PEX13: variants seen among roughly 807,000 people sequenced by gnomAD.
The protein encoded by PEX13 is peroxisomal biogenesis factor 13.
PEX13 carries 28 observed loss-of-function variants against 34.5 expected under a neutral mutation model. That is an observed-to-expected ratio of 0.81 (90% confidence interval 0.60 to 1.11). PEX13 has a LOEUF of 1.11. PEX13 is among the 50% of genes most tolerant of loss of function. The pLI, the probability that PEX13 is intolerant of heterozygous loss-of-function variation, is 0.00. For missense variants in PEX13, 550 were observed against 491.0 expected, an observed-to-expected ratio of 1.12 and a Z score of -1.13; for synonymous variants, 177 against 175.1, an observed-to-expected ratio of 1.01 and a Z score of -0.09.
intron 1 of PEX13, among the ~76,000 whole-genome samples, chr2:61,021,084 G>T (rs1680251421): frequency 1.3e-5 from 2 of 152,212 alleles, no homozygotes; most frequent in African/African-American, 2.4e-5. Context: ...GCTCTGGTCT[G>T]CAGCTCCCAG....
rs1369623777 is a variant in PEX13, at chr2:61,031,516, G to A, written c.190G>A (p.Gly64Arg). The A allele has an allele frequency of 6.2e-7, 1 of 1,614,138 alleles. No homozygotes were observed. The change falls in exon 2 of 4, where the codon GGA becomes AGA. Residue 64 changes from glycine (G) to arginine (R), a missense_variant. Physicochemically the swap from Gly to Arg is moderately radical, Grantham distance 125 (BLOSUM62 -2). Transcript: ENST00000295030. ...PILPRPSQQT[G>R]SSSVNTFRPA... ...TCTTCCAAGGCCATCACAGCAGACAGGAAGTAGCAGTGTGAACACTTTTAG... is the reference window on the plus strand; with the variant it reads ...TCTTCCAAGGCCATCACAGCAGACAAGAAGTAGCAGTGTGAACACTTTTAG...
intron 2 of PEX13, among the ~76,000 whole-genome samples, chr2:61,036,204 C>T (rs772835799): frequency 6.6e-6 from 1 of 152,154 alleles, no homozygotes; most frequent in Non-Finnish European, 1.5e-5. Context: ...TTAGAAAACA[C>T]TCCTCAGGAT....
At chr2:61,043,556 G>A (rs890072354) in intron 2 of PEX13, among the ~76,000 whole-genome samples, 9 of 152,178 alleles carry the variant, frequency 5.9e-5, no homozygotes, top group African/African-American at 2.2e-4. Flanking sequence ...AAAATTCTAG[G>A]TGGAGCAGGA....
chr2:61,029,481 C>T (rs866742203), intron 1 of PEX13, among the ~76,000 whole-genome samples: 6 of 152,042 alleles, frequency 3.9e-5, no homozygotes, highest in Non-Finnish European at 5.9e-5. Context: ...CAAACATGTC[C>T]GTACAAAAAC....
At chr2:61,032,314 T>C (rs999501769) in intron 2 of PEX13, among the ~76,000 whole-genome samples, 3 of 152,214 alleles carry the variant, frequency 2.0e-5, no homozygotes, top group Non-Finnish European at 4.4e-5. Context: ...ATAGTGCACA[T>C]TACCTGTTTA....
chr2:61,035,584 A>G (rs1319426510), intron 2 of PEX13, among the ~76,000 whole-genome samples: 2 of 152,242 alleles, frequency 1.3e-5, no homozygotes, highest in Non-Finnish European at 2.9e-5. Context: ...AAAAAAGGTT[A>G]GATGAATGGC....
chr2:61,037,897 A>G (rs1284159060), intron 2 of PEX13, among the ~76,000 whole-genome samples: 1 of 152,170 alleles, frequency 6.6e-6, no homozygotes, highest in African/African-American at 2.4e-5. Flanking sequence ...AATCAAATAG[A>G]TGTAATAAAA....
chr2:61,021,899 C>T (rs1680270958), intron 1 of PEX13, among the ~76,000 whole-genome samples: 1 of 152,182 alleles, frequency 6.6e-6, no homozygotes, highest in Non-Finnish European at 1.5e-5. Flanking sequence ...CTGCAGTGGA[C>T]CTCCAGCAAA....
intron 3 of PEX13, among the ~76,000 whole-genome samples, chr2:61,046,563 G>A (rs1450461697): frequency 6.6e-6 from 1 of 152,106 alleles, no homozygotes; most frequent in African/African-American, 2.4e-5. Flanking sequence ...CTATGTACAA[G>A]GTACTGTATT....
chr2:61,047,260 A>G (rs1270052788), intron 3 of PEX13, among the ~76,000 whole-genome samples: 1 of 151,796 alleles, frequency 6.6e-6, no homozygotes, highest in East Asian at 1.9e-4. Context: ...GGTTCAAGTG[A>G]TTCTCCTGCC....
chr2:61,031,029 C>G (rs780959760), intron 1 of PEX13, among the ~76,000 whole-genome samples: 1 of 152,168 alleles, frequency 6.6e-6, no homozygotes, highest in Non-Finnish European at 1.5e-5. Flanking sequence ...GTGGCTCACA[C>G]CTGTAATCCC....
intron 2 of PEX13, among the ~76,000 whole-genome samples, chr2:61,037,430 A>G (rs988346571): frequency 3.3e-5 from 5 of 152,360 alleles, no homozygotes; most frequent in South Asian, 2.1e-4. Context: ...CTCTCAGACC[A>G]CAGTGCAATC....
In PEX13 at chr2:61,050,886, G is replaced by A. The variant is rs978885205; in HGVS notation, c.*2116G>A. On this transcript the variant is annotated 3_prime_UTR_variant, in exon 4 of 4. Coordinates refer to ENST00000295030, the MANE Select transcript of PEX13 (RefSeq NM_002618.4). ...TGAGCCCGCTTCGGTCTCCCAAAGT[G>A]TTGGGATTACAGGCGTGAGCCACCG... 6 of 152,342 alleles carry A rather than the reference G, an allele frequency of 3.9e-5. No homozygotes were observed. The highest frequency in any genetic ancestry group is 7.3e-5 in the Non-Finnish European group (5 of 68,092). 9.4% of individuals were successfully genotyped at this position (152,342 alleles called of 1,614,324 possible). A position where few individuals can be genotyped will look rare whatever the true frequency, so the allele number is the denominator to read the frequency against.
intron 2 of PEX13, among the ~76,000 whole-genome samples, chr2:61,043,653 T>C (rs919767796): frequency 1.3e-5 from 2 of 152,252 alleles, no homozygotes; most frequent in African/African-American, 2.4e-5. Flanking sequence ...AGCAGCCACA[T>C]TGCAGAAAAT....
chr2:61,047,511 T>C (rs1680723150), intron 3 of PEX13, among the ~76,000 whole-genome samples: 1 of 152,238 alleles, frequency 6.6e-6, no homozygotes, highest in South Asian at 2.1e-4. Context: ...TTCAAACGAA[T>C]GATTTTTTAA....
chr2:61,023,748 T>G (rs1409381322), intron 1 of PEX13, among the ~76,000 whole-genome samples: 22 of 150,920 alleles, frequency 1.5e-4, no homozygotes, highest in Admixed American at 1.3e-3. Flanking sequence ...TTTTTTTTTT[T>G]GTCAGCTCTC....
At chr2:61,034,254 C>T (rs1279551468) in intron 2 of PEX13, among the ~76,000 whole-genome samples, 1 of 152,144 alleles carries the variant, frequency 6.6e-6, no homozygotes, top group African/African-American at 2.4e-5. Flanking sequence ...ACCTCAGCCT[C>T]CCAAAGTGCT....
chr2:61,035,738 C>G (rs977518920), intron 2 of PEX13, among the ~76,000 whole-genome samples: 1 of 152,092 alleles, frequency 6.6e-6, no homozygotes, highest in African/African-American at 2.4e-5. Context: ...AATCCCAGCA[C>G]TTTGTGAGGC....
intron 1 of PEX13, among the ~76,000 whole-genome samples, chr2:61,030,945 G>C (rs1680439332): frequency 2.0e-5 from 3 of 152,112 alleles, no homozygotes. Flanking sequence ...AATTAGACAT[G>C]GTGATAGTTA....
Sources: allele counts gnomAD v4.1 joint callset (sites outside exome capture counted in the v4.1 genomes callset), GRCh38; gene constraint gnomAD v4.1.1; transcripts MANE v1.5; gene names NCBI Gene and HGNC (gene_info 2026-07-23, HGNC 2026-07-21).